Variants in ABCC2 observed in about 807,000 individuals in gnomAD.
ABCC2 encodes the protein ATP binding cassette subfamily C member 2, also known as ATP-binding cassette sub-family C member 2.
A neutral mutation model predicts 173.4 loss-of-function variants in ABCC2; 157 were observed. That is an observed-to-expected ratio of 0.91 (90% CI 0.80 to 1.03). The LOEUF (loss-of-function observed/expected upper bound fraction) is 1.03. Ranked by LOEUF, ABCC2 falls within the 50% of genes least tolerant of loss-of-function variation. The pLI is 0.00. For synonymous variants in ABCC2, 657 were observed against 693.5 expected (o/e 0.95, Z 0.83); for missense variants, 1,822 against 1,852.3 (o/e 0.98, Z 0.30).
chr10:99,829,775 C>A (rs530104965), intron 19 of ABCC2, among the ~76,000 whole-genome samples: 1 of 152,138 alleles, frequency 6.6e-6, no homozygotes, highest in Non-Finnish European at 1.5e-5. Flanking sequence ...CACAGGCATG[C>A]ACCATCACAC....
At chr10:99,814,271 A>ATG (rs2038301170) in intron 16 of ABCC2, among the ~76,000 whole-genome samples, 2 of 29,254 alleles carry the variant, frequency 6.8e-5, no homozygotes, top group African/African-American at 1.4e-4. Flanking sequence ...ACGTATGTAT[A>ATG]CACACGTATG....
At chr10:99,839,034 C>T (rs1590188259) in intron 25 of ABCC2, among the ~76,000 whole-genome samples, 7 of 121,382 alleles carry the variant, frequency 5.8e-5, no homozygotes, top group Non-Finnish European at 1.1e-4. Flanking sequence ...TAGGGGCGGC[C>T]GGGCAGAGGC....
In ABCC2 at chr10:99,804,068, C is replaced by T. The variant is rs1564676967; in HGVS notation, c.1259C>T (p.Thr420Ile). The change falls in exon 10 of 32, where the codon ACA becomes ATA. Residue 420 changes from threonine (T) to isoleucine (I), a missense_variant. Thr to Ile is a moderately conservative substitution (Grantham distance 89, BLOSUM62 -1). Transcript: ENST00000647814. The part of the protein sequence containing the change: ...LARKEYTVGE[T>I]VNLMSVDAQK... Reference sequence around the variant, plus strand: ...AGGAAGGAGTACACCGTTGGAGAAACAGTGAACCTGATGTCTGTGGATGCC... The same window carrying T: ...AGGAAGGAGTACACCGTTGGAGAAATAGTGAACCTGATGTCTGTGGATGCC... The T allele has an allele frequency of 1.9e-6, 3 of 1,614,160 alleles. No homozygotes were observed. The highest frequency in any genetic ancestry group is 1.1e-5 in the South Asian group (1 of 91,076).
chr10:99,841,773 C>T (rs541994928), intron 25 of ABCC2, among the ~76,000 whole-genome samples, 194 bp from the exon 26 acceptor site: 1 of 152,134 alleles, frequency 6.6e-6, no homozygotes, highest in Admixed American at 6.5e-5. Context: ...CTTTAAAATG[C>T]AATTTATTTT....
At chr10:99,830,993 C>T in intron 21 of ABCC2, 142 bp downstream of exon 21, 1 of 926,126 alleles carries the variant, frequency 1.1e-6, no homozygotes, top group Non-Finnish European at 1.7e-6. Flanking sequence ...TCATTATTAA[C>T]CTGTTAGCAG....
At chr10:99,783,365 A>G (rs568960338) in intron 1 of ABCC2, among the ~76,000 whole-genome samples, 345 of 152,338 alleles carry the variant, frequency 2.3e-3, no homozygotes, top group African/African-American at 7.0e-3. Context: ...ATTTTTGAAC[A>G]ACTAGAGTTG....
intron 9 of ABCC2, among the ~76,000 whole-genome samples, chr10:99,802,951 G>A (rs1419006993): frequency 2.0e-5 from 3 of 152,054 alleles, no homozygotes; most frequent in East Asian, 1.9e-4. Flanking sequence ...ATCCTGACAC[G>A]AAAGTCTTTT....
rs535964387 is a variant in ABCC2, at chr10:99,790,261, G to A, written c.208-1973G>A. Among the ~76,000 whole-genome samples, 5 of 152,154 alleles carry A rather than the reference G, an allele frequency of 3.3e-5. No homozygotes were observed. In the East Asian group the frequency reaches 9.7e-4, roughly 29 times the overall value. On this transcript the variant is annotated intron_variant, in intron 2 of 31. Transcript: ENST00000647814. ...CTAATTGGTTAGGCAAAAATGTTAT[G>A]TTTCAAATTATATATACTTTCAAAT...
At chr10:99,830,488 T>C in intron 20 of ABCC2, 55 bp downstream of exon 20, 1 of 1,612,706 alleles carries the variant, frequency 6.2e-7, no homozygotes, top group Non-Finnish European at 8.5e-7. Flanking sequence ...CCACTTGATC[T>C]TTTTCTTTTT....
In ABCC2 at chr10:99,784,787, G is replaced by T. The variant is rs201621870; in HGVS notation, c.207+6G>T. On this transcript the variant is annotated splice_donor_region_variant and intron_variant, in intron 2 of 31. Transcript: ENST00000647814. ...AACTCTATCTTGCTAAGCAGGTAAA[G>T]TTAACACCACTGTTTCTGAACTCTA... The T allele has an allele frequency of 2.5e-6, 4 of 1,613,830 alleles. No homozygotes were observed. In the African/African-American group the frequency reaches 4.0e-5, roughly 16 times the overall value.
chr10:99,807,562 A>G (rs1590157268), intron 12 of ABCC2, 41 bp downstream of exon 12: 2 of 1,613,446 alleles, frequency 1.2e-6, no homozygotes, highest in African/African-American at 1.3e-5. Context: ...ATTCACCTGG[A>G]CCTGCATCAG....
Position 99,851,498 on chromosome 10 carries a change from T to C in ABCC2, c.4509-4T>C. The C allele has an allele frequency of 6.2e-7, 1 of 1,614,090 alleles. No homozygotes were observed. Among genetic ancestry groups the C allele is most frequent in the Non-Finnish European group, 8.5e-7 (1 of 1,180,006 alleles). On this transcript the variant is annotated splice_region_variant and splice_polypyrimidine_tract_variant and intron_variant, in intron 31 of 31. Coordinates refer to ENST00000647814, the MANE Select transcript of ABCC2 (RefSeq NM_000392.5). ...GACTTTTATTTCTTTCTTCCTTGTTTCAGGGTAATGGTCCTAGACAACGGG... is the reference window on the plus strand; with the variant it reads ...GACTTTTATTTCTTTCTTCCTTGTTCCAGGGTAATGGTCCTAGACAACGGG...
At chr10:99,818,417 G>C (rs1358005523) in intron 17 of ABCC2, among the ~76,000 whole-genome samples, 1 of 152,158 alleles carries the variant, frequency 6.6e-6, no homozygotes, top group Non-Finnish European at 1.5e-5. Flanking sequence ...ATACAGCTCT[G>C]GAGTAATTTT....
chr10:99,814,503 G>GTATATACACATATACACACATA (rs2038330587), intron 16 of ABCC2, among the ~76,000 whole-genome samples: 1 of 103,382 alleles, frequency 9.7e-6, no homozygotes, highest in East Asian at 4.9e-4. Flanking sequence ...ACATATATGT[G>GTATATACACATATACACACATA]TGTGTATGTG....
At chr10:99,808,588 A>G (rs1403329275) in intron 13 of ABCC2, among the ~76,000 whole-genome samples, 1 of 152,088 alleles carries the variant, frequency 6.6e-6, no homozygotes, top group Non-Finnish European at 1.5e-5. Flanking sequence ...CATTAGGCAA[A>G]TATGGCCCAA....
intron 19 of ABCC2, among the ~76,000 whole-genome samples, chr10:99,823,494 T>A (rs2038575557): frequency 6.6e-6 from 1 of 151,120 alleles, no homozygotes; most frequent in African/African-American, 2.4e-5. Flanking sequence ...CTGTACTACA[T>A]ATGCAGAATC....
At chr10:99,807,311 A>C (rs2038126567) in intron 11 of ABCC2, 73 bp from the exon 12 acceptor site, 14 of 1,578,580 alleles carry the variant, frequency 8.9e-6, no homozygotes, top group Non-Finnish European at 1.2e-5. Flanking sequence ...ATCTTAAAAC[A>C]TGGGTGGATC....
At position 99,850,602 on chromosome 10, in the gene ABCC2, C is replaced by T. The variant is rs376790802; in HGVS notation, c.4314C>T (p.Ser1438=). ...HEVTEAGGNL[S]IGQRQLLCLG... ...ACATGGTTGCTTCTATTGGCTGCAG[C>T]ATAGGCCAGAGGCAGCTGCTGTGCC... is the stretch of plus-strand genomic sequence containing the variant. Residue 1438 remains serine (S), a splice_region_variant and synonymous_variant, in exon 31 of 32, where the codon AGC becomes AGT. Coordinates refer to ENST00000647814, the MANE Select transcript of ABCC2 (RefSeq NM_000392.5). 13 of 1,614,042 alleles carry T rather than the reference C, an allele frequency of 8.1e-6. No homozygotes were observed. In the African/African-American group the frequency reaches 1.6e-4, roughly 20 times the overall value.
At chr10:99,797,728 AG>A (rs1269468723) in intron 7 of ABCC2, 1 of 264,570 alleles carries the variant, frequency 3.8e-6, no homozygotes, top group Non-Finnish European at 7.4e-6. Context: ...TTTGTGAGCT[AG>A]AAAATATGTA....
Sources: allele counts gnomAD v4.1 joint callset (sites outside exome capture counted in the v4.1 genomes callset), GRCh38; gene constraint gnomAD v4.1.1; transcripts MANE v1.5; gene names NCBI Gene and HGNC (gene_info 2026-07-23, HGNC 2026-07-21).